The following SNX8 variants were observed in gnomAD, a reference collection of about 807,000 sequenced individuals.
SNX8 encodes the protein sorting nexin-8.
Under a neutral mutation model 51.6 loss-of-function variants are expected in SNX8, and 25 were observed. That is an observed-to-expected ratio of 0.48 (90% CI 0.35 to 0.68). The LOEUF is 0.68. Ranked by LOEUF, SNX8 falls within the 30% of genes least tolerant of loss-of-function variation. The probability of loss-of-function intolerance (pLI) is 0.00; values close to 1 mark genes in which losing one functional copy is unlikely to be tolerated. For missense variants in SNX8, 695 were observed against 624.0 expected (o/e 1.11, Z -1.21); for synonymous variants, 324 against 277.0 (o/e 1.17, Z -1.68).
At chr7:2,291,846 C>A (rs1445922557) in intron 1 of SNX8, among the ~76,000 whole-genome samples, 7 of 152,210 alleles carry the variant, frequency 4.6e-5, no homozygotes, top group Non-Finnish European at 1.5e-5. Flanking sequence ...AGGCTTCTCC[C>A]AAACTAAAAC....
intron 1 of SNX8, among the ~76,000 whole-genome samples, chr7:2,295,774 G>GC (rs781419933): frequency 7.2e-5 from 11 of 152,122 alleles, no homozygotes; most frequent in Non-Finnish European, 1.0e-4. Flanking sequence ...GTGAGAGCGA[G>GC]CGACCCAGTT....
intron 1 of SNX8, among the ~76,000 whole-genome samples, chr7:2,293,044 CAA>C (rs1394973845): frequency 6.6e-6 from 1 of 151,370 alleles, no homozygotes; most frequent in African/African-American, 2.4e-5. Flanking sequence ...AAATACATAA[CAA>C]AAGAGATAAA....
chr7:2,259,840 C>G (rs771833365), intron 7 of SNX8, among the ~76,000 whole-genome samples: 28 of 152,214 alleles, frequency 1.8e-4, no homozygotes, highest in Admixed American at 2.6e-4. Flanking sequence ...CATTTGTCAC[C>G]AAGTCCCATC....
intron 2 of SNX8, among the ~76,000 whole-genome samples, chr7:2,276,017 A>G (rs928954170): frequency 1.3e-5 from 2 of 152,068 alleles, no homozygotes; most frequent in African/African-American, 4.8e-5. Flanking sequence ...AAAAAAACTA[A>G]ACAAATGGTA....
At position 2,254,919 on chromosome 7, in the gene SNX8, G is replaced by C. The variant is rs1010688400; in HGVS notation, c.*137C>G. ...CGGATGCGCCTCCCGACCCGCAGGC[G>C]TGAGCTCCTCTGCTCCAGCTGCAGC... On this transcript the variant is annotated 3_prime_UTR_variant, in exon 11 of 11. Coordinates refer to ENST00000222990, the MANE Select transcript of SNX8 (RefSeq NM_013321.4). 10 of 685,488 alleles carry C rather than the reference G, an allele frequency of 1.5e-5. No individual in the cohort carries two copies. Among genetic ancestry groups the C allele is most frequent in the Non-Finnish European group, 2.3e-5 (9 of 384,414 alleles). The allele number at this position is 685,488 out of a possible 1,614,324, so 42.5% of individuals were successfully genotyped here. A position where few individuals can be genotyped will look rare whatever the true frequency, so the allele number is the denominator to read the frequency against.
chr7:2,308,367 C>G (rs1378834204), intron 1 of SNX8, among the ~76,000 whole-genome samples: 1 of 151,904 alleles, frequency 6.6e-6, no homozygotes, highest in Non-Finnish European at 1.5e-5. Flanking sequence ...CAGGAGTTTA[C>G]TACCAAAATA....
intron 2 of SNX8, 39 bp downstream of exon 2, chr7:2,278,061 C>T: frequency 1.3e-6 from 2 of 1,596,366 alleles, no homozygotes; most frequent in Non-Finnish European, 1.7e-6. Context: ...ACCCTTTCTT[C>T]CCCCTCCTGC....
chr7:2,303,758 T>G (rs948624996), intron 1 of SNX8, among the ~76,000 whole-genome samples: 6 of 151,994 alleles, frequency 3.9e-5, no homozygotes, highest in Non-Finnish European at 5.9e-5. Flanking sequence ...GAAGGCAGCA[T>G]GCTCGTTAAG....
chr7:2,307,370 C>A (rs1279779400), intron 1 of SNX8, among the ~76,000 whole-genome samples: 2 of 151,842 alleles, frequency 1.3e-5, no homozygotes, highest in African/African-American at 2.4e-5. Context: ...CAGTGGCTCA[C>A]GCCTGTAATC....
Position 2,275,162 on chromosome 7 carries a change from T to G in SNX8, c.368A>C (p.Lys123Thr), listed in dbSNP as rs1795747049. 6.2e-7 allele frequency: 1 copy of G among 1,614,046 alleles called. No homozygotes were observed. The highest frequency in any genetic ancestry group is 8.5e-7 in the Non-Finnish European group (1 of 1,180,010). Reference sequence around the variant, plus strand: ...GGCAGGCACCATACGGTAGGGGAACTTGTGCAGGAGCATCTCCTGGAAGAC... The same window carrying G: ...GGCAGGCACCATACGGTAGGGGAACGTGTGCAGGAGCATCTCCTGGAAGAC... ...FVVFQEMLLH[K>T]FPYRMVPALP... Residue 123 changes from lysine (K) to threonine (T), a missense_variant, in exon 3 of 11, where the codon AAG becomes ACG. Coordinates refer to ENST00000222990, the MANE Select transcript of SNX8 (RefSeq NM_013321.4).
At chr7:2,287,674 C>T (rs1055737328) in intron 1 of SNX8, among the ~76,000 whole-genome samples, 4 of 152,076 alleles carry the variant, frequency 2.6e-5, no homozygotes, top group African/African-American at 9.6e-5. Flanking sequence ...TCGCTTGAAC[C>T]CAGAAGGTGG....
intron 1 of SNX8, among the ~76,000 whole-genome samples, chr7:2,300,377 G>T (rs1262424726): frequency 6.6e-6 from 1 of 152,166 alleles, no homozygotes; most frequent in Non-Finnish European, 1.5e-5. Context: ...TGTCCAGAAT[G>T]AACTAAATAT....
At chr7:2,351,921 T>TG (rs1779151259) in intron 1 of SNX8, among the ~76,000 whole-genome samples, 1 of 147,564 alleles carries the variant, frequency 6.8e-6, no homozygotes, top group Non-Finnish European at 1.5e-5. Context: ...TTTTTTTTTT[T>TG]TTTTTGAGAT....
Position 2,332,765 on chromosome 7 carries a change from A to G in SNX8, c.-66+21457T>C, listed in dbSNP as rs977659909. Among the ~76,000 whole-genome samples, 15 of 148,970 alleles carry G rather than the reference A, an allele frequency of 1.0e-4. No homozygotes were observed. In the East Asian group the frequency reaches 2.8e-3, roughly 28 times the overall value. On this transcript the variant is annotated intron_variant, in intron 1 of 5. Transcript: ENST00000435336. ...AGAAAAGGAAGGAAGGAAGGAAGGA[A>G]GGAAGGAGGGAAGGAGGGAAAGAAG... is the stretch of plus-strand genomic sequence containing the variant.
At chr7:2,269,272 G>C (rs1439393599) in intron 5 of SNX8, among the ~76,000 whole-genome samples, 3 of 151,322 alleles carry the variant, frequency 2.0e-5, no homozygotes, top group Non-Finnish European at 4.4e-5. Flanking sequence ...AATGGATTAA[G>C]GGCGGTGCAG....
intron 10 of SNX8, among the ~76,000 whole-genome samples, chr7:2,255,444 C>T (rs1388780682): frequency 6.6e-6 from 1 of 152,246 alleles, no homozygotes; most frequent in East Asian, 1.9e-4. Flanking sequence ...GCCGTGGAAT[C>T]GTGAGAAACG....
intron 1 of SNX8, among the ~76,000 whole-genome samples, chr7:2,343,260 T>A (rs1269886029): frequency 6.6e-6 from 1 of 152,026 alleles, no homozygotes; most frequent in East Asian, 1.9e-4. Flanking sequence ...ATTTGGCCAT[T>A]TAGTATGACC....
chr7:2,335,894 C>T (rs1405828178), intron 1 of SNX8, among the ~76,000 whole-genome samples: 2 of 149,350 alleles, frequency 1.3e-5, no homozygotes, highest in South Asian at 2.1e-4. Context: ...TGAAAGAAAT[C>T]AGAATAATGC....
chr7:2,258,750 C>A (rs1795261560), intron 7 of SNX8, among the ~76,000 whole-genome samples: 1 of 152,142 alleles, frequency 6.6e-6, no homozygotes, highest in Non-Finnish European at 1.5e-5. Flanking sequence ...CCACACTCGG[C>A]GGTGGGGGCA....
Sources: gnomAD v4.1 joint callset for allele counts (sites outside exome capture counted in the v4.1 genomes callset) on GRCh38, gnomAD v4.1.1 for gene constraint, MANE v1.5 for transcripts, NCBI Gene and HGNC (gene_info 2026-07-23, HGNC 2026-07-21) for gene names.